Variants in MYO3B observed in about 807,000 individuals in gnomAD.
The protein encoded by MYO3B is myosin IIIB.
MYO3B carries 156 observed loss-of-function variants against 174.6 expected under a neutral mutation model. That is an observed-to-expected ratio of 0.89 (90% CI 0.78 to 1.02). MYO3B has a LOEUF of 1.02. Ranked by LOEUF, MYO3B falls within the 50% of genes least tolerant of loss-of-function variation. The pLI is 0.00. For synonymous variants in MYO3B, 563 were observed against 569.1 expected (o/e 0.99, Z 0.15); for missense variants, 1,632 against 1,639.4 (o/e 1.00, Z 0.08).
chr2:170,645,400 T>C (rs573019187), intron 32 of MYO3B, among the ~76,000 whole-genome samples: 2 of 137,606 alleles, frequency 1.5e-5, no homozygotes, highest in East Asian at 2.1e-4. Context: ...TGAACCCCGG[T>C]GGAGGTTGCA....
intron 7 of MYO3B, among the ~76,000 whole-genome samples, chr2:170,333,749 T>C (rs1469230209): frequency 6.6e-6 from 1 of 152,210 alleles, no homozygotes; most frequent in African/African-American, 2.4e-5. Context: ...AAGTTTATCT[T>C]CTATAAAGTC....
intron 22 of MYO3B, among the ~76,000 whole-genome samples, chr2:170,426,311 C>A (rs1033403372): frequency 6.6e-6 from 1 of 151,086 alleles, no homozygotes; most frequent in African/African-American, 2.4e-5. Flanking sequence ...TGCACTCTAG[C>A]CTGGGTGACA....
chr2:170,633,773 G>A (rs1243133624), intron 32 of MYO3B, among the ~76,000 whole-genome samples: 2 of 152,176 alleles, frequency 1.3e-5, no homozygotes, highest in Non-Finnish European at 1.5e-5. Flanking sequence ...CAAAGTCTCA[G>A]GATACAAAAT....
intron 32 of MYO3B, among the ~76,000 whole-genome samples, chr2:170,584,235 T>C (rs985390033): frequency 1.3e-5 from 2 of 152,226 alleles, no homozygotes; most frequent in Non-Finnish European, 2.9e-5. Context: ...TCCAACAAAC[T>C]TGGAAAAAGT....
At chr2:170,579,119 A>G (rs1692973413) in intron 32 of MYO3B, among the ~76,000 whole-genome samples, 1 of 152,228 alleles carries the variant, frequency 6.6e-6, no homozygotes, top group Non-Finnish European at 1.5e-5. Context: ...TGGAAAAACT[A>G]TGACTAGCAA....
At chr2:170,468,828 G>T (rs754183855) in intron 25 of MYO3B, among the ~76,000 whole-genome samples, 7 of 152,152 alleles carry the variant, frequency 4.6e-5, no homozygotes, top group South Asian at 2.1e-4. Flanking sequence ...ACACATAACT[G>T]CATGTATTGG....
chr2:170,509,055 A>G (rs1687800622), intron 28 of MYO3B, among the ~76,000 whole-genome samples: 1 of 152,208 alleles, frequency 6.6e-6, no homozygotes. Context: ...TATGGAGGAC[A>G]TAATAATGCT....
At chr2:170,457,859 A>G (rs908147305) in intron 23 of MYO3B, among the ~76,000 whole-genome samples, 4 of 152,102 alleles carry the variant, frequency 2.6e-5, no homozygotes, top group African/African-American at 4.8e-5. Context: ...GGTTCAAGCA[A>G]TTATCCTCCC....
chr2:170,548,032 G>A (rs567676729), intron 32 of MYO3B, among the ~76,000 whole-genome samples: 1 of 142,954 alleles, frequency 7.0e-6, no homozygotes, highest in East Asian at 2.2e-4. Flanking sequence ...GTGTGAACCC[G>A]GGAGGCCGTG....
chr2:170,220,054 C>T (rs182047374), intron 6 of MYO3B, among the ~76,000 whole-genome samples: 56 of 152,060 alleles, frequency 3.7e-4, no homozygotes, highest in Middle Eastern at 3.4e-3. Flanking sequence ...GTCAGGAGAT[C>T]GAGACCATCC....
intron 9 of MYO3B, among the ~76,000 whole-genome samples, chr2:170,379,992 T>C (rs13385338): frequency 0.62 from 94,211 of 152,166 alleles, 30,488 homozygotes; most frequent in Non-Finnish European, 0.72. Flanking sequence ...TAAGTTTGCT[T>C]CTTCCTTTTT....
intron 23 of MYO3B, among the ~76,000 whole-genome samples, chr2:170,460,348 C>T (rs1443934691): frequency 2.6e-5 from 4 of 151,888 alleles, no homozygotes; most frequent in African/African-American, 7.3e-5. Context: ...ATTAGCCAGG[C>T]GTGGTGGTGT....
At chr2:170,493,253 T>C (rs1196521074) in intron 25 of MYO3B, among the ~76,000 whole-genome samples, 7 of 152,210 alleles carry the variant, frequency 4.6e-5, no homozygotes, top group Admixed American at 4.6e-4. Flanking sequence ...TTTTTTCAGG[T>C]AGGAAAATTT....
chr2:170,288,869 G>T (rs533240426), intron 7 of MYO3B, among the ~76,000 whole-genome samples: 1 of 151,930 alleles, frequency 6.6e-6, no homozygotes, highest in Admixed American at 6.6e-5. Context: ...CCTTTATCAT[G>T]TTGAGGTATG....
intron 2 of MYO3B, 64 bp from the exon 3 acceptor site, chr2:170,200,086 T>C (rs2105337111): frequency 1.3e-6 from 2 of 1,504,474 alleles, no homozygotes; most frequent in East Asian, 4.6e-5. Flanking sequence ...GAGCATGATG[T>C]CATATCTGTA....
intron 32 of MYO3B, among the ~76,000 whole-genome samples, chr2:170,603,129 T>C (rs2106346447): frequency 6.6e-6 from 1 of 152,224 alleles, no homozygotes. Context: ...TTTATTTTCC[T>C]AAAATCTCCA....
At chr2:170,518,243 A>G (rs1285283858) in intron 29 of MYO3B, among the ~76,000 whole-genome samples, 1 of 152,124 alleles carries the variant, frequency 6.6e-6, no homozygotes, top group Non-Finnish European at 1.5e-5. Flanking sequence ...CTTTTTATTT[A>G]TTTTTCTACA....
chr2:170,474,052 A>G (rs1393914347), intron 25 of MYO3B, among the ~76,000 whole-genome samples: 1 of 152,220 alleles, frequency 6.6e-6, no homozygotes, highest in Non-Finnish European at 1.5e-5. Flanking sequence ...TAGGAAATCC[A>G]AAGACATGTC....
intron 6 of MYO3B, among the ~76,000 whole-genome samples, chr2:170,220,150 C>T (rs2092878629): frequency 6.6e-6 from 1 of 151,948 alleles, no homozygotes; most frequent in South Asian, 2.1e-4. Flanking sequence ...CCCAGCTACT[C>T]AGGAGGCTGA....
Sources: allele counts gnomAD v4.1 joint callset (sites outside exome capture counted in the v4.1 genomes callset), GRCh38; gene constraint gnomAD v4.1.1; transcripts MANE v1.5; gene names NCBI Gene and HGNC (gene_info 2026-07-23, HGNC 2026-07-21).